STAG1: variants seen among roughly 807,000 people sequenced by gnomAD.
STAG1 encodes the protein cohesin subunit SA-1.
Under a neutral mutation model 170.9 loss-of-function variants are expected in STAG1, and 26 were observed. That is an observed-to-expected ratio of 0.15 (90% CI 0.11 to 0.21). STAG1 has a LOEUF of 0.21. Among genes scored for constraint, STAG1 ranks in the 10% least tolerant of loss-of-function variants. The pLI is 1.00. For missense variants in STAG1, 964 were observed against 1,509.5 expected (o/e 0.64, Z 5.99); for synonymous variants, 514 against 497.7 (o/e 1.03, Z -0.44).
intron 1 of STAG1, among the ~76,000 whole-genome samples, chr3:136,711,447 G>A (rs919302666): frequency 4.6e-5 from 7 of 152,140 alleles, no homozygotes; most frequent in South Asian, 2.1e-4. Context: ...TACGGTCCCA[G>A]CTACTCGGGA....
intron 1 of STAG1, among the ~76,000 whole-genome samples, chr3:136,641,306 T>C (rs1342847412): frequency 6.6e-6 from 1 of 152,218 alleles, no homozygotes; most frequent in Non-Finnish European, 1.5e-5. Context: ...GAAATCCTTT[T>C]TTTTAAAACG....
chr3:136,467,984 A>G (rs1253174768), intron 12 of STAG1, among the ~76,000 whole-genome samples: 1 of 152,216 alleles, frequency 6.6e-6, no homozygotes, highest in Non-Finnish European at 1.5e-5. Flanking sequence ...ACAAACCTGA[A>G]TCTTTGGGAC....
chr3:136,363,754 A>C (rs920873821), intron 25 of STAG1, among the ~76,000 whole-genome samples: 6 of 152,128 alleles, frequency 3.9e-5, no homozygotes, highest in Admixed American at 3.9e-4. Flanking sequence ...GGTGAGAAAA[A>C]TTCCCCATTC....
chr3:136,665,948 A>C (rs1467297343), intron 1 of STAG1, among the ~76,000 whole-genome samples: 1 of 144,886 alleles, frequency 6.9e-6, no homozygotes, highest in Non-Finnish European at 1.5e-5. Flanking sequence ...GGTGGCGGGC[A>C]CATGTAGTCC....
At position 136,338,054 on chromosome 3, in the gene STAG1, T is replaced by C. The variant is rs187650805; in HGVS notation, c.*200A>G. ...CAAATGATTTTCAGGTCAGTCTTTC[T>C]GAGTTGACATTCACCAACATTCCCT... On this transcript the variant is annotated 3_prime_UTR_variant, in exon 34 of 34. Coordinates refer to ENST00000383202, the MANE Select transcript of STAG1 (RefSeq NM_005862.3). 4 of 558,732 alleles carry C rather than the reference T, an allele frequency of 7.2e-6. No individual in the cohort carries two copies. The highest frequency in any genetic ancestry group is 5.7e-5 in the African/African-American group (3 of 52,784). The allele number at this position is 558,732 out of a possible 1,614,324, so 34.6% of individuals were successfully genotyped here.
At chr3:136,596,167 T>C (rs536689467) in intron 4 of STAG1, among the ~76,000 whole-genome samples, 3 of 152,190 alleles carry the variant, frequency 2.0e-5, no homozygotes, top group Non-Finnish European at 4.4e-5. Flanking sequence ...AATTTTGAAA[T>C]AGTTCTGTGG....
chr3:136,567,374 G>A (rs1937121739), intron 5 of STAG1, among the ~76,000 whole-genome samples: 1 of 152,182 alleles, frequency 6.6e-6, no homozygotes, highest in Non-Finnish European at 1.5e-5. Flanking sequence ...CTACAATTCA[G>A]CCACAGAATC....
intron 9 of STAG1, among the ~76,000 whole-genome samples, chr3:136,496,389 G>A (rs1422016797): frequency 6.6e-6 from 1 of 152,158 alleles, no homozygotes; most frequent in Non-Finnish European, 1.5e-5. Flanking sequence ...CCAAGATAGA[G>A]TTTACTGTGG....
chr3:136,551,208 T>TGAGAGAGAGAGAGAGAGAGAGAGA (rs57609965), intron 5 of STAG1, among the ~76,000 whole-genome samples: 5 of 44,476 alleles, frequency 1.1e-4, no homozygotes, highest in Non-Finnish European at 1.5e-4. Context: ...TGAGAGAGAG[T>TGAGAGAGAGAGAGAGAGAGAGAGA]GAGAGAGAGA....
At chr3:136,410,804 T>C (rs923198117) in intron 21 of STAG1, among the ~76,000 whole-genome samples, 6 of 152,120 alleles carry the variant, frequency 3.9e-5, no homozygotes, top group Admixed American at 2.0e-4. Flanking sequence ...TGAAATTTCA[T>C]CTCTACTAAA....
At chr3:136,697,042 G>A (rs1228266532) in intron 1 of STAG1, among the ~76,000 whole-genome samples, 1 of 152,154 alleles carries the variant, frequency 6.6e-6, no homozygotes, top group African/African-American at 2.4e-5. Context: ...AACGTTTGTT[G>A]TCTTTAACAT....
chr3:136,460,944 T>C (rs557320136), intron 13 of STAG1, among the ~76,000 whole-genome samples: 47 of 152,214 alleles, frequency 3.1e-4, no homozygotes, highest in Admixed American at 6.5e-4. Flanking sequence ...CAACAATAAC[T>C]ACCAAACCAA....
chr3:136,637,831 T>C (rs891016269), intron 1 of STAG1, among the ~76,000 whole-genome samples: 4 of 152,030 alleles, frequency 2.6e-5, no homozygotes, highest in Admixed American at 1.3e-4. Flanking sequence ...AGGGAAGGTA[T>C]TGTTTGTCCT....
At chr3:136,390,328 T>C (rs2086974985) in intron 22 of STAG1, among the ~76,000 whole-genome samples, 1 of 152,208 alleles carries the variant, frequency 6.6e-6, no homozygotes, top group Non-Finnish European at 1.5e-5. Flanking sequence ...AATATAATTT[T>C]GGAGAAGTTC....
Position 136,604,196 on chromosome 3 carries a change from G to A in STAG1, c.297+113C>T, listed in dbSNP as rs191679309. 7 of 924,290 alleles carry A rather than the reference G, an allele frequency of 7.6e-6. No individual in the cohort carries two copies. In the East Asian group the frequency reaches 1.7e-4, roughly 22 times the overall value. The allele number at this position is 924,290 out of a possible 1,614,324, so 57.3% of individuals were successfully genotyped here. A position where few individuals can be genotyped will look rare whatever the true frequency, so the allele number is the denominator to read the frequency against. On this transcript the variant is annotated intron_variant, in intron 4 of 33. Coordinates refer to ENST00000383202, the MANE Select transcript of STAG1 (RefSeq NM_005862.3). ...AATAACCTTTCAGGATAAACTGAAAGGTTGCTTACATAATCAACAGAAGTA... is the reference window on the plus strand; with the variant it reads ...AATAACCTTTCAGGATAAACTGAAAAGTTGCTTACATAATCAACAGAAGTA...
chr3:136,458,125 ATTTTTTTCTGTGT>A (rs1457450467), intron 13 of STAG1, among the ~76,000 whole-genome samples: 4 of 152,000 alleles, frequency 2.6e-5, no homozygotes, highest in African/African-American at 9.6e-5. Context: ...AATAAACTGT[ATTTTTTTCTGTGT>A]TTTTTTTCTG....
chr3:136,443,230 G>T, intron 15 of STAG1, 57 bp downstream of exon 15: 2 of 1,223,376 alleles, frequency 1.6e-6, no homozygotes, highest in Non-Finnish European at 1.2e-6. Flanking sequence ...ATATACAACT[G>T]TATTGCTATC....
At chr3:136,372,481 G>T (rs920417910) in intron 23 of STAG1, among the ~76,000 whole-genome samples, 3 of 152,088 alleles carry the variant, frequency 2.0e-5, no homozygotes, top group Admixed American at 6.6e-5. Context: ...TATTGACTGT[G>T]GGTTTGTCAT....
chr3:136,533,155 T>A (rs1249442232), intron 6 of STAG1, among the ~76,000 whole-genome samples: 1 of 152,138 alleles, frequency 6.6e-6, no homozygotes. Flanking sequence ...CAATCCCATT[T>A]ACAACAGCTA....
Sources: gnomAD v4.1 joint callset for allele counts (sites outside exome capture counted in the v4.1 genomes callset) on GRCh38, gnomAD v4.1.1 for gene constraint, MANE v1.5 for transcripts, NCBI Gene and HGNC (gene_info 2026-07-23, HGNC 2026-07-21) for gene names.